CEMIP: variants seen among roughly 807,000 people sequenced by gnomAD.
CEMIP encodes the protein cell migration-inducing and hyaluronan-binding protein.
In CEMIP, 105 loss-of-function variants were observed where a neutral mutation model predicts 156.9. The ratio of observed to expected loss-of-function variants is 0.67; its 90% CI spans 0.57 to 0.79. CEMIP has a LOEUF of 0.79. Among genes scored for constraint, CEMIP ranks in the 30% least tolerant of loss-of-function variants. The probability of loss-of-function intolerance (pLI) is 0.00; values close to 1 mark genes in which losing one functional copy is unlikely to be tolerated. For missense variants in CEMIP, 1,457 were observed against 1,769.4 expected, an observed-to-expected ratio of 0.82 and a Z score of 3.17; for synonymous variants, 676 against 668.4, an observed-to-expected ratio of 1.01 and a Z score of -0.17.
intron 21 of CEMIP, among the ~76,000 whole-genome samples, chr15:80,930,735 T>C (rs1185640340): frequency 2.0e-5 from 3 of 152,184 alleles, no homozygotes; most frequent in South Asian, 4.1e-4. Flanking sequence ...AGGAACCATA[T>C]TGGAATGGAA....
At chr15:80,927,099 G>C (rs1412413476) in intron 19 of CEMIP, among the ~76,000 whole-genome samples, 1 of 152,248 alleles carries the variant, frequency 6.6e-6, no homozygotes, top group East Asian at 1.9e-4. Flanking sequence ...AAAGTGCTGG[G>C]ATTACAGGCG....
chr15:80,798,484 AAC>A (rs1202350298), intron 1 of CEMIP, among the ~76,000 whole-genome samples: 3 of 152,328 alleles, frequency 2.0e-5, no homozygotes, highest in Non-Finnish European at 2.9e-5. Flanking sequence ...TATTCAAATT[AAC>A]AGTCTCACTA....
Position 80,880,924 on chromosome 15 carries a change from T to A in CEMIP, c.405T>A (p.Asp135Glu), listed in dbSNP as rs1351730842. 1 of 1,614,068 alleles carries A rather than the reference T, an allele frequency of 6.2e-7. No homozygotes were observed. Among genetic ancestry groups the A allele is most frequent in the East Asian group, 2.2e-5 (1 of 44,900 alleles). ...YGRADEGIQP[D>E]PYYGLKYIGV... ...GGGCTGATGAAGGTATTCAGCCGGA[T>A]CCTTACTATGGTCTGAAGTACATTG... Residue 135 changes from aspartate (D) to glutamate (E), a missense_variant, in exon 6 of 30, where the codon GAT (aspartate) becomes GAA (glutamate). Physicochemically the swap from Asp to Glu is conservative, Grantham distance 45. This residue lies in a region of CEMIP where 309 missense variants were observed against 340.8 expected (regional missense o/e 0.91). Transcript: ENST00000394685.
rs954327401 is a variant in CEMIP, at chr15:80,950,871, A to G, written c.*1947A>G. 1 of 152,698 alleles carries G rather than the reference A, an allele frequency of 6.5e-6. No individual in the cohort carries two copies. The highest frequency in any genetic ancestry group is 1.9e-4 in the East Asian group (1 of 5,180). The allele number at this position is 152,698 out of a possible 1,614,324, so 9.5% of individuals were successfully genotyped here. A position where few individuals can be genotyped will look rare whatever the true frequency, so the allele number is the denominator to read the frequency against. ...TATCCCCTTTCCTGCCCCAACCACA[A>G]ACTCTTTCCTTCAAAGAGGGCCTGC... is the stretch of plus-strand genomic sequence containing the variant. On this transcript the variant is annotated 3_prime_UTR_variant, in exon 30 of 30. Transcript: ENST00000394685.
intron 1 of CEMIP, among the ~76,000 whole-genome samples, chr15:80,812,027 T>A (rs1362120399): frequency 6.6e-6 from 1 of 152,114 alleles, no homozygotes; most frequent in African/African-American, 2.4e-5. Flanking sequence ...GGAGGGGCTT[T>A]CTCTGTATGT....
intron 1 of CEMIP, among the ~76,000 whole-genome samples, chr15:80,811,061 G>A (rs548613059): frequency 3.3e-5 from 5 of 152,132 alleles, no homozygotes; most frequent in Non-Finnish European, 7.3e-5. Flanking sequence ...GGGCCTTGTA[G>A]TAGACACCAG....
chr15:80,871,154 G>A (rs1168375706), intron 1 of CEMIP, among the ~76,000 whole-genome samples: 1 of 152,170 alleles, frequency 6.6e-6, no homozygotes, highest in Non-Finnish European at 1.5e-5. Flanking sequence ...AGGAAATTTG[G>A]GAATCTTTTA....
chr15:80,933,233 G>T lies in CEMIP; in HGVS notation c.2794-12G>T. ...CTTCTAGCCCTGCCTAACTTTCCTG[G>T]GCTCTGTTTAGATTACTTCCAGAGT... On this transcript the variant is annotated splice_polypyrimidine_tract_variant and intron_variant, in intron 22 of 29. Transcript: ENST00000394685. 6.2e-7 allele frequency: 1 copy of T among 1,612,106 alleles called. No homozygotes were observed. Among genetic ancestry groups the T allele is most frequent in the Non-Finnish European group, 8.5e-7 (1 of 1,178,168 alleles).
In CEMIP at chr15:80,937,854, G is replaced by A. The variant is rs376777316; in HGVS notation, c.3282G>A (p.Ser1094=). The change falls in exon 25 of 30, where the codon TCG becomes TCA. Residue 1094 remains serine, a synonymous_variant. Coordinates refer to ENST00000394685, the MANE Select transcript of CEMIP (RefSeq NM_001293298.2). Reference sequence around the variant, plus strand: ...GAGGCACCACATTCTCCATCCTCTCGGATGTTCACAATCGCCTGCTGAAGC... The same window carrying A: ...GAGGCACCACATTCTCCATCCTCTCAGATGTTCACAATCGCCTGCTGAAGC... The part of the protein sequence containing the change: ...YPRGTTFSIL[S]DVHNRLLKQT... 21 of 1,614,088 alleles carry A rather than the reference G, an allele frequency of 1.3e-5. No individual in the cohort carries two copies. Among genetic ancestry groups the A allele is most frequent in the South Asian group, 1.1e-4 (10 of 91,092 alleles).
chr15:80,932,476 CA>C lies in CEMIP; in HGVS notation c.2793+438del, dbSNP rs1466200140. Among the ~76,000 whole-genome samples, 7 of 152,120 alleles carry C rather than the reference CA, an allele frequency of 4.6e-5. No individual in the cohort carries two copies. Among genetic ancestry groups the C allele is most frequent in the Non-Finnish European group, 7.3e-5 (5 of 68,028 alleles). On this transcript the variant is annotated intron_variant, in intron 22 of 29. Coordinates refer to ENST00000394685, the MANE Select transcript of CEMIP (RefSeq NM_001293298.2). This position sits in a 1 kb window ranked among gnomAD's most constrained non-coding sequence, Gnocchi z 4.5. Reference sequence around the variant, plus strand: ...TCTCTCCCCGAGAGCAGACTATAAACAGAGGCCTCCTTGCCCTAGACAGAGA... The same window carrying C: ...TCTCTCCCCGAGAGCAGACTATAAACGAGGCCTCCTTGCCCTAGACAGAGA...
intron 1 of CEMIP, among the ~76,000 whole-genome samples, chr15:80,781,336 G>T (rs536110794): frequency 6.5e-4 from 99 of 152,338 alleles, no homozygotes; most frequent in African/African-American, 2.3e-3. Context: ...CAACTATGCG[G>T]TTTTCTGATC....
chr15:80,922,915 G>A (rs570478208), intron 17 of CEMIP, among the ~76,000 whole-genome samples: 67 of 152,264 alleles, frequency 4.4e-4, no homozygotes, highest in African/African-American at 6.5e-4. Flanking sequence ...AGGGCGGTGC[G>A]CAGACAGACT....
At chr15:80,817,682 G>T (rs1331378573) in intron 1 of CEMIP, among the ~76,000 whole-genome samples, 2 of 151,482 alleles carry the variant, frequency 1.3e-5, no homozygotes, top group Non-Finnish European at 2.9e-5. Flanking sequence ...ACATTTGGGG[G>T]TATGTGGCTG....
chr15:80,949,020 A>G lies in CEMIP; in HGVS notation c.*96A>G, dbSNP rs1041844049. ...ATGGCTGGGTCCCCCAGCCCCTGCC[A>G]GCAGCTGCCTGGGAAGGCCGTGTTT... On this transcript the variant is annotated 3_prime_UTR_variant, in exon 30 of 30. Coordinates refer to ENST00000394685, the MANE Select transcript of CEMIP (RefSeq NM_001293298.2). The G allele has an allele frequency of 6.5e-7, 1 of 1,532,974 alleles. No individual in the cohort carries two copies. The highest frequency in any genetic ancestry group is 1.1e-5 in the South Asian group (1 of 89,228). The allele number at this position is 1,532,974 out of a possible 1,614,324, so 95.0% of individuals were successfully genotyped here.
intron 3 of CEMIP, among the ~76,000 whole-genome samples, chr15:80,875,564 T>C (rs1898448196): frequency 6.6e-6 from 1 of 152,204 alleles, no homozygotes; most frequent in Admixed American, 6.5e-5. Context: ...GGCACCTCTC[T>C]TGCTGTTTGC....
intron 1 of CEMIP, among the ~76,000 whole-genome samples, chr15:80,783,187 C>T (rs1020167489): frequency 1.3e-5 from 2 of 152,200 alleles, no homozygotes; most frequent in African/African-American, 4.8e-5. Flanking sequence ...TCTGTGGTAT[C>T]GGCAAAGCAT....
At chr15:80,792,260 G>A (rs1367485302) in intron 1 of CEMIP, among the ~76,000 whole-genome samples, 2 of 152,156 alleles carry the variant, frequency 1.3e-5, no homozygotes, top group Non-Finnish European at 2.9e-5. Flanking sequence ...TTCCAGGAAG[G>A]GCCCAGTTAG....
rs1352453140 is a variant in CEMIP, at chr15:80,880,886, GT to G, written c.381-10del. On this transcript the variant is annotated splice_polypyrimidine_tract_variant and intron_variant, in intron 5 of 29. Coordinates refer to ENST00000394685, the MANE Select transcript of CEMIP (RefSeq NM_001293298.2). ...ATGTGTCAGCCAACTCTGGGGAGCT[GT>G]TTTCTCTTGCAGGGCTGATGAAGGT... 6.2e-7 allele frequency: 1 copy of G among 1,610,342 alleles called. No homozygotes were observed. Among genetic ancestry groups the G allele is most frequent in the South Asian group, 1.1e-5 (1 of 90,998 alleles).
rs572992982 is a variant in CEMIP, at chr15:80,907,611, T to G, written c.1587+773T>G. Reference sequence around the variant, plus strand: ...AAGAAGTTGTAGCATTAAATTTACCTGTGAGTTTCCTGGCTAGAGTCAAGA... The same window carrying G: ...AAGAAGTTGTAGCATTAAATTTACCGGTGAGTTTCCTGGCTAGAGTCAAGA... On this transcript the variant is annotated intron_variant, in intron 13 of 29. Transcript: ENST00000394685. 2.7e-4 allele frequency among the ~76,000 whole-genome samples: 41 copies of G among 152,318 alleles called. 1 individual carries two copies. Among genetic ancestry groups the G allele is most frequent in the African/African-American group, 9.6e-4 (40 of 41,582 alleles).
Sources: gnomAD v4.1 joint callset for allele counts (sites outside exome capture counted in the v4.1 genomes callset) on GRCh38, gnomAD v4.1.1 for gene constraint, gnomAD v4.1.1 regional missense constraint, Gnocchi (gnomAD v3.1) non-coding constraint, MANE v1.5 for transcripts, NCBI Gene and HGNC (gene_info 2026-07-23, HGNC 2026-07-21) for gene names.